HOMER1: variants seen among roughly 807,000 people sequenced by gnomAD.
HOMER1 encodes the protein homer scaffold protein 1, also known as homer protein homolog 1.
Under a neutral mutation model 48.9 loss-of-function variants are expected in HOMER1, and 3 were observed. That is an observed-to-expected ratio of 0.06 (90% CI 0.03 to 0.16). HOMER1 has a LOEUF of 0.16. HOMER1 is among the 10% of genes least tolerant of loss of function. HOMER1 has a pLI of 1.00. For synonymous variants in HOMER1, 134 were observed against 146.4 expected (o/e 0.92, Z 0.61); for missense variants, 247 against 411.4 (o/e 0.60, Z 3.46).
intron 1 of HOMER1, among the ~76,000 whole-genome samples, chr5:79,471,419 A>G (rs1378833076): frequency 4.6e-5 from 7 of 151,862 alleles, no homozygotes; most frequent in African/African-American, 1.7e-4. Flanking sequence ...GGTGGCATGT[A>G]CCTATAATCC....
chr5:79,501,369 T>C (rs1272698624), intron 1 of HOMER1, among the ~76,000 whole-genome samples: 1 of 152,238 alleles, frequency 6.6e-6, no homozygotes, highest in Non-Finnish European at 1.5e-5. Flanking sequence ...ATCAACTGTT[T>C]ATGTTATTGA....
rs181302025 is a variant in HOMER1, at chr5:79,407,426, T to A, written c.528-5371A>T. ...ATAAATCAAGGAAGTAAGATAGCAA[T>A]GTTAAAGGTGTTAGTGGAAAGAAGG... On this transcript the variant is annotated intron_variant, in intron 5 of 8. Transcript: ENST00000334082. Among the ~76,000 whole-genome samples, 390 of 152,220 alleles carry A rather than the reference T, an allele frequency of 2.6e-3. 3 individuals are homozygous for A. Among genetic ancestry groups the A allele is most frequent in the African/African-American group, 8.9e-3 (368 of 41,532 alleles).
intron 5 of HOMER1, among the ~76,000 whole-genome samples, chr5:79,433,021 A>T (rs1243337023): frequency 6.6e-6 from 1 of 152,220 alleles, no homozygotes; most frequent in Non-Finnish European, 1.5e-5. Context: ...CTACAATTAT[A>T]TCAATGATAA....
chr5:79,379,259 ATATAT>A (rs1748887534), intron 8 of HOMER1, among the ~76,000 whole-genome samples: 1 of 100,898 alleles, frequency 9.9e-6, no homozygotes, highest in East Asian at 2.3e-4. Flanking sequence ...TATCTATTAT[ATATAT>A]TATATATTAT....
chr5:79,378,021 CA>C (rs1277889444), intron 8 of HOMER1, among the ~76,000 whole-genome samples: 2 of 151,916 alleles, frequency 1.3e-5, no homozygotes, highest in African/African-American at 4.8e-5. Context: ...AGGTCGAGAC[CA>C]GCCTGGCCAA....
Position 79,374,340 on chromosome 5 carries a change from C to G in HOMER1, c.*1669G>C, listed in dbSNP as rs1362876305. 6.6e-6 allele frequency: 1 copy of G among 152,314 alleles called. No individual in the cohort carries two copies. The highest frequency in any genetic ancestry group is 1.9e-4 in the East Asian group (1 of 5,194). 9.4% of individuals were successfully genotyped at this position (152,314 alleles called of 1,614,324 possible). A position where few individuals can be genotyped will look rare whatever the true frequency, so the allele number is the denominator to read the frequency against. On this transcript the variant is annotated 3_prime_UTR_variant, in exon 9 of 9. Transcript: ENST00000334082. The stretch of plus-strand genomic sequence containing the variant: ...ATGATTGTTATAAATTTTTCAGAGA[C>G]ACCTGAAAACTCACTTAAGAAACTA...
intron 5 of HOMER1, among the ~76,000 whole-genome samples, chr5:79,437,352 A>G (rs574555409): frequency 3.9e-5 from 6 of 152,206 alleles, no homozygotes; most frequent in Non-Finnish European, 8.8e-5. Flanking sequence ...GTTTAATAGG[A>G]AGAAAATTTT....
intron 1 of HOMER1, among the ~76,000 whole-genome samples, chr5:79,480,113 CA>C (rs1386687670): frequency 2.6e-4 from 39 of 151,150 alleles, no homozygotes; most frequent in African/African-American, 8.7e-4. Flanking sequence ...AACACTGTTT[CA>C]GAAGTAAAAA....
intron 3 of HOMER1, among the ~76,000 whole-genome samples, chr5:79,450,619 T>C (rs549538500): frequency 3.9e-5 from 6 of 152,226 alleles, no homozygotes; most frequent in Non-Finnish European, 8.8e-5. Flanking sequence ...TCTATATCAC[T>C]GTCAGCTTGA....
At chr5:79,411,746 G>A (rs1484840436) in intron 5 of HOMER1, among the ~76,000 whole-genome samples, 1 of 152,074 alleles carries the variant, frequency 6.6e-6, no homozygotes, top group African/African-American at 2.4e-5. Context: ...TAATGGTAAC[G>A]CCTTGCATGT....
chr5:79,434,097 A>T (rs1230853399), intron 5 of HOMER1, among the ~76,000 whole-genome samples: 2 of 152,168 alleles, frequency 1.3e-5, no homozygotes, highest in Non-Finnish European at 2.9e-5. Context: ...CTGTTATTAA[A>T]ATTTATCAGT....
intron 8 of HOMER1, among the ~76,000 whole-genome samples, chr5:79,379,106 A>ATG (rs1388571103): frequency 1.7e-5 from 1 of 59,716 alleles, no homozygotes; most frequent in Non-Finnish European, 2.6e-5. Flanking sequence ...ATATATATAT[A>ATG]TATATATAAA....
rs780379820 is a variant in HOMER1 at position 79,439,155 on chromosome 5, A to G, written c.388-6T>C. On this transcript the variant is annotated splice_region_variant and splice_polypyrimidine_tract_variant and intron_variant, in intron 4 of 8. Coordinates refer to ENST00000334082, the MANE Select transcript of HOMER1 (RefSeq NM_004272.5). ...AGATCCCCGCCTGCGGATTCCTTTA[A>G]AAAAAGGGGTGGGGGATAAAAAATA... 23 of 1,613,616 alleles carry G rather than the reference A, an allele frequency of 1.4e-5. No homozygotes were observed. The South Asian group carries it at 2.2e-4, about 15-fold the overall frequency.
intron 1 of HOMER1, among the ~76,000 whole-genome samples, chr5:79,467,474 T>C (rs965941091): frequency 1.3e-5 from 2 of 148,848 alleles, no homozygotes; most frequent in Non-Finnish European, 3.0e-5. Flanking sequence ...ACAATCATAA[T>C]ACTCTAAGGT....
intron 1 of HOMER1, among the ~76,000 whole-genome samples, chr5:79,494,834 A>C (rs1173640371): frequency 1.3e-5 from 2 of 152,166 alleles, no homozygotes; most frequent in Non-Finnish European, 2.9e-5. Flanking sequence ...GTGCCATTGC[A>C]CTCCAGCCTG....
chr5:79,397,555 A>T lies in HOMER1; in HGVS notation c.767T>A (p.Leu256Gln). The T allele has an allele frequency of 6.2e-7, 1 of 1,605,580 alleles. No homozygotes were observed. The highest frequency in any genetic ancestry group is 1.7e-4 in the Middle Eastern group (1 of 6,028). ...TTCCTTCAGTTTCAGTGTCTCTTCCAGTTCTTGTATTGTCTGATTTAATTC... is the reference window on the plus strand; with the variant it reads ...TTCCTTCAGTTTCAGTGTCTCTTCCTGTTCTTGTATTGTCTGATTTAATTC... ...KTELNQTIQE[L>Q]EETLKLKEEE... Residue 256 changes from leucine to glutamine, a missense_variant, in exon 7 of 9, where the codon CTG becomes CAG. Around this residue, in one of 4 missense-constraint regions of HOMER1, gnomAD observed 113 missense variants for 152.5 expected, o/e 0.74. Transcript: ENST00000334082.
intron 3 of HOMER1, among the ~76,000 whole-genome samples, chr5:79,448,335 A>C (rs938477104): frequency 6.6e-6 from 1 of 152,214 alleles, no homozygotes; most frequent in Admixed American, 6.5e-5. Context: ...TCTTACACTA[A>C]TTTAACATTC....
At chr5:79,459,996 C>T (rs182442492) in intron 1 of HOMER1, among the ~76,000 whole-genome samples, 33 of 150,870 alleles carry the variant, frequency 2.2e-4, no homozygotes, top group East Asian at 1.9e-3. Flanking sequence ...ATTATAAACA[C>T]GAAATAGTTT....
At chr5:79,430,664 C>G (rs898854719) in intron 5 of HOMER1, among the ~76,000 whole-genome samples, 2 of 152,300 alleles carry the variant, frequency 1.3e-5, no homozygotes, top group East Asian at 3.9e-4. Flanking sequence ...TGGTGCCGGG[C>G]GTGGTGGCTC....
Sources: allele counts gnomAD v4.1 joint callset (sites outside exome capture counted in the v4.1 genomes callset), GRCh38; gene constraint gnomAD v4.1.1; regional missense constraint gnomAD v4.1.1; transcripts MANE v1.5; gene names NCBI Gene and HGNC (gene_info 2026-07-23, HGNC 2026-07-21).